RAD54L2: variants seen among roughly 807,000 people sequenced by gnomAD.
The protein encoded by RAD54L2 is helicase ARIP4.
In RAD54L2, 27 loss-of-function variants were observed where a neutral mutation model predicts 138.4. That is an observed-to-expected ratio of 0.20 (90% CI 0.14 to 0.27). The LOEUF (loss-of-function observed/expected upper bound fraction) is 0.27. RAD54L2 is among the 10% of genes least tolerant of loss of function. The pLI is 1.00. For missense variants in RAD54L2, 1,396 were observed against 1,890.2 expected, an observed-to-expected ratio of 0.74 and a Z score of 4.85; for synonymous variants, 644 against 723.2, an observed-to-expected ratio of 0.89 and a Z score of 1.76.
intron 2 of RAD54L2, among the ~76,000 whole-genome samples, chr3:51,555,958 C>T (rs1698953275): frequency 6.6e-6 from 1 of 152,148 alleles, no homozygotes; most frequent in Admixed American, 6.6e-5. Context: ...TGTTACCTTT[C>T]TCTATATTCA....
At chr3:51,590,933 T>C (rs768230132) in intron 3 of RAD54L2, among the ~76,000 whole-genome samples, 1 of 152,210 alleles carries the variant, frequency 6.6e-6, no homozygotes, top group Non-Finnish European at 1.5e-5. Flanking sequence ...TGAGGGTAAC[T>C]GTGAGTGGTC....
At chr3:51,646,530 C>T (rs1263105229) in intron 19 of RAD54L2, 49 bp downstream of exon 19, 1 of 1,466,438 alleles carries the variant, frequency 6.8e-7, no homozygotes, top group Non-Finnish European at 9.2e-7. Context: ...GCACAAACAC[C>T]TTTCAACTTG....
At chr3:51,553,007 TTTAA>T (rs1296456019) in intron 2 of RAD54L2, among the ~76,000 whole-genome samples, 2 of 151,874 alleles carry the variant, frequency 1.3e-5, no homozygotes, top group African/African-American at 2.4e-5. Flanking sequence ...TTTTGGCTGA[TTTAA>T]TTAATTTATT....
Position 51,641,734 on chromosome 3 carries a change from T to G in RAD54L2, c.2232-15T>G, listed in dbSNP as rs1372907975. The G allele has an allele frequency of 5.9e-6, 9 of 1,522,692 alleles. No homozygotes were observed. The highest frequency in any genetic ancestry group is 1.9e-5 in the Admixed American group (1 of 52,310). 94.3% of individuals were successfully genotyped at this position (1,522,692 alleles called of 1,614,324 possible). On this transcript the variant is annotated splice_polypyrimidine_tract_variant and intron_variant, in intron 14 of 22. Transcript: ENST00000684192. Reference sequence around the variant, plus strand: ...AATTCTGGGAGCCATCTGAACGAAATGTTTTCTGTTTCAGCCAGAGTCTTT... The same window carrying G: ...AATTCTGGGAGCCATCTGAACGAAAGGTTTTCTGTTTCAGCCAGAGTCTTT...
intron 2 of RAD54L2, among the ~76,000 whole-genome samples, chr3:51,582,814 G>A (rs1020980692): frequency 1.9e-4 from 28 of 149,984 alleles, no homozygotes; most frequent in African/African-American, 6.5e-4. Flanking sequence ...GCCGGACTGC[G>A]GACTGCAGTG....
chr3:51,593,288 T>C (rs1699878431), intron 3 of RAD54L2, among the ~76,000 whole-genome samples: 1 of 151,808 alleles, frequency 6.6e-6, no homozygotes, highest in Non-Finnish European at 1.5e-5. Flanking sequence ...TACTGAGATC[T>C]GAGAAACCAT....
chr3:51,660,125 T>A lies in RAD54L2; in HGVS notation c.3409+7T>A. On this transcript the variant is annotated splice_region_variant and intron_variant, in intron 22 of 22. Coordinates refer to ENST00000684192, the MANE Select transcript of RAD54L2 (RefSeq NM_015106.4). ...GGTCGGATGGCTGCCTCAGGTGTGA[T>A]GGCTTTTACTTTCCATTTTACTTTT... The A allele has an allele frequency of 6.3e-7, 1 of 1,588,466 alleles. No individual in the cohort carries two copies. Among genetic ancestry groups the A allele is most frequent in the Non-Finnish European group, 8.6e-7 (1 of 1,159,734 alleles).
intron 2 of RAD54L2, among the ~76,000 whole-genome samples, chr3:51,573,129 A>G (rs948314818): frequency 5.3e-5 from 8 of 152,136 alleles, no homozygotes; most frequent in Admixed American, 5.2e-4. Flanking sequence ...ATTCTTCAAA[A>G]CTGGGCCACG....
At chr3:51,548,752 A>C (rs1698761478) in intron 2 of RAD54L2, among the ~76,000 whole-genome samples, 1 of 151,858 alleles carries the variant, frequency 6.6e-6, no homozygotes, top group Non-Finnish European at 1.5e-5. Flanking sequence ...AATAGAGGAT[A>C]CACACAAGGA....
chr3:51,638,107 C>T lies in RAD54L2; in HGVS notation c.1683-37C>T. 1 of 1,605,274 alleles carries T rather than the reference C, an allele frequency of 6.2e-7. No homozygotes were observed. The highest frequency in any genetic ancestry group is 8.5e-7 in the Non-Finnish European group (1 of 1,173,140). On this transcript the variant is annotated intron_variant, in intron 11 of 22. Coordinates refer to ENST00000684192, the MANE Select transcript of RAD54L2 (RefSeq NM_015106.4). This position sits in a 1 kb window ranked among gnomAD's most constrained non-coding sequence, Gnocchi z 4.3. Reference sequence around the variant, plus strand: ...ATCTTGTGCTGACCCCTCCTGGCCACACTACCTTGCCGTTTCTGTTCTGTT... The same window carrying T: ...ATCTTGTGCTGACCCCTCCTGGCCATACTACCTTGCCGTTTCTGTTCTGTT...
In RAD54L2 at chr3:51,539,009, A is replaced by G. The variant is rs1030060967; in HGVS notation, c.-117+94A>G. ...TGGAGACGCGGCCTGGGCCCCTGCC[A>G]TGCAGTGGCTCGGGGCAGCTAGATG... is the stretch of plus-strand genomic sequence containing the variant. On this transcript the variant is annotated intron_variant, in intron 1 of 22. Transcript: ENST00000684192. Among the ~76,000 whole-genome samples, 9 of 152,096 alleles carry G rather than the reference A, an allele frequency of 5.9e-5. No homozygotes were observed. The South Asian group carries it at 1.4e-3, about 24-fold the overall frequency.
chr3:51,590,321 C>T lies in RAD54L2; in HGVS notation c.-54-46C>T, dbSNP rs115759985. 3,079 of 1,369,972 alleles carry T rather than the reference C, an allele frequency of 2.2e-3. 67 individuals carry two copies. In the African/African-American group the frequency reaches 0.041, roughly 18 times the overall value. The allele number at this position is 1,369,972 out of a possible 1,614,324, so 84.9% of individuals were successfully genotyped here. ...TTTTTTCTTTGAAAGACTTGTGTTCCTAAGCAAAACCCTTGGTGATTCTGA... is the reference window on the plus strand; with the variant it reads ...TTTTTTCTTTGAAAGACTTGTGTTCTTAAGCAAAACCCTTGGTGATTCTGA... On this transcript the variant is annotated intron_variant, in intron 2 of 22. Transcript: ENST00000684192.
At chr3:51,560,233 C>T (rs1204850141) in intron 2 of RAD54L2, among the ~76,000 whole-genome samples, 1 of 152,146 alleles carries the variant, frequency 6.6e-6, no homozygotes, top group African/African-American at 2.4e-5. Flanking sequence ...GTCACAATAG[C>T]ACTCTAGGCC....
intron 2 of RAD54L2, among the ~76,000 whole-genome samples, chr3:51,567,463 GT>G (rs761098290): frequency 2.0e-5 from 3 of 151,832 alleles, no homozygotes; most frequent in Non-Finnish European, 2.9e-5. Context: ...CAATTTTTTT[GT>G]TTTTGCAGAT....
At chr3:51,587,656 T>G (rs1454995576) in intron 2 of RAD54L2, among the ~76,000 whole-genome samples, 2 of 152,218 alleles carry the variant, frequency 1.3e-5, no homozygotes, top group Non-Finnish European at 2.9e-5. Context: ...TTCCTGTTAT[T>G]TCTAACTCTG....
intron 2 of RAD54L2, among the ~76,000 whole-genome samples, chr3:51,571,490 C>G (rs1208462035): frequency 1.3e-5 from 2 of 150,576 alleles, no homozygotes; most frequent in Admixed American, 1.3e-4. Flanking sequence ...CTCCCGGGTT[C>G]AAGCAATTCT....
intron 2 of RAD54L2, among the ~76,000 whole-genome samples, chr3:51,557,569 C>T (rs959746832): frequency 2.0e-5 from 3 of 151,710 alleles, no homozygotes; most frequent in Non-Finnish European, 2.9e-5. Context: ...ATTAATTACA[C>T]GCCTGTAATC....
chr3:51,611,848 G>A (rs1201835915), intron 3 of RAD54L2, among the ~76,000 whole-genome samples: 3 of 152,012 alleles, frequency 2.0e-5, no homozygotes, highest in African/African-American at 7.2e-5. Flanking sequence ...GAGCCACCGC[G>A]CCTGGCCTAC....
At chr3:51,562,469 A>T (rs1699121848) in intron 2 of RAD54L2, among the ~76,000 whole-genome samples, 1 of 152,150 alleles carries the variant, frequency 6.6e-6, no homozygotes, top group African/African-American at 2.4e-5. Context: ...ACCTCAGGTG[A>T]TCTGCCCGCC....
Sources: allele counts gnomAD v4.1 joint callset (sites outside exome capture counted in the v4.1 genomes callset), GRCh38; gene constraint gnomAD v4.1.1; non-coding constraint Gnocchi (gnomAD v3.1); transcripts MANE v1.5; gene names NCBI Gene and HGNC (gene_info 2026-07-23, HGNC 2026-07-21).